Variants in PELI2 observed in about 807,000 individuals in gnomAD.
PELI2 encodes the protein pellino E3 ubiquitin protein ligase family member 2, also known as E3 ubiquitin-protein ligase pellino homolog 2.
PELI2 carries 23 observed loss-of-function variants against 42.3 expected under a neutral mutation model. The ratio of observed to expected loss-of-function variants is 0.54; its 90% CI spans 0.39 to 0.77. The LOEUF is 0.77. Among genes scored for constraint, PELI2 ranks in the 30% least tolerant of loss-of-function variants. The pLI, the probability that PELI2 is intolerant of heterozygous loss-of-function variation, is 0.00. For synonymous variants in PELI2, 245 were observed against 212.2 expected (o/e 1.15, Z -1.34); for missense variants, 463 against 553.2 (o/e 0.84, Z 1.64).
rs1339450536 is a variant in PELI2, at chr14:56,298,886, A to G, written c.*1720A>G. Reference sequence around the variant, plus strand: ...TTAAATGGTGTGAAAATCGATGACAACAGTCCTCTTACAGATAGCTTGCTG... The same window carrying G: ...TTAAATGGTGTGAAAATCGATGACAGCAGTCCTCTTACAGATAGCTTGCTG... On this transcript the variant is annotated 3_prime_UTR_variant, in exon 6 of 6. Coordinates refer to ENST00000267460, the MANE Select transcript of PELI2 (RefSeq NM_021255.3). The G allele has an allele frequency of 6.6e-6, 1 of 152,234 alleles. No homozygotes were observed. Among genetic ancestry groups the G allele is most frequent in the Non-Finnish European group, 1.5e-5 (1 of 68,038 alleles). The allele number at this position is 152,234 out of a possible 1,614,324, so 9.4% of individuals were successfully genotyped here.
At chr14:56,144,623 A>C (rs563005026) in intron 1 of PELI2, among the ~76,000 whole-genome samples, 1 of 152,362 alleles carries the variant, frequency 6.6e-6, no homozygotes, top group South Asian at 2.1e-4. Context: ...CATCACACCT[A>C]ATATATGCAT....
At chr14:56,255,977 C>G (rs907549331) in intron 2 of PELI2, among the ~76,000 whole-genome samples, 1 of 152,102 alleles carries the variant, frequency 6.6e-6, no homozygotes, top group Non-Finnish European at 1.5e-5. Context: ...ACAGGGTGCT[C>G]TTTGTTAGAA....
At position 56,296,812 on chromosome 14, in the gene PELI2, G is replaced by A. The variant is rs1890022816; in HGVS notation, c.909G>A (p.Glu303=). 1.2e-6 allele frequency: 2 copies of A among 1,614,044 alleles called. No homozygotes were observed. ...GCATCAACAGGAAAGAGGTGGTGGA[G>A]GAGAAGCAGCCCTGGGCATATCTCA... is the stretch of plus-strand genomic sequence containing the variant. ...FPSINRKEVV[E]EKQPWAYLSC... is the part of the protein sequence containing the mutation. Residue 303 remains glutamate, a synonymous_variant, in exon 6 of 6, where the codon GAG becomes GAA. Coordinates refer to ENST00000267460, the MANE Select transcript of PELI2 (RefSeq NM_021255.3).
At chr14:56,232,652 A>G (rs893949646) in intron 2 of PELI2, among the ~76,000 whole-genome samples, 1 of 151,784 alleles carries the variant, frequency 6.6e-6, no homozygotes, top group South Asian at 2.1e-4. Context: ...AGCCAGTATC[A>G]TACTGAATGG....
intron 2 of PELI2, among the ~76,000 whole-genome samples, chr14:56,237,897 A>G (rs1482308978): frequency 4.7e-5 from 7 of 150,204 alleles, no homozygotes; most frequent in Non-Finnish European, 1.0e-4. Flanking sequence ...TACTCCTCCT[A>G]CCCCCAACCC....
intron 2 of PELI2, among the ~76,000 whole-genome samples, chr14:56,182,434 T>C (rs2139674433): frequency 6.6e-6 from 1 of 152,328 alleles, no homozygotes; most frequent in African/African-American, 2.4e-5. Flanking sequence ...GGTGACGGTG[T>C]GGATACTGGT....
At chr14:56,213,693 A>G (rs751247287) in intron 2 of PELI2, among the ~76,000 whole-genome samples, 9 of 152,214 alleles carry the variant, frequency 5.9e-5, no homozygotes, top group Non-Finnish European at 1.2e-4. Flanking sequence ...CAGGCATTGA[A>G]GTAGCAAGAG....
At chr14:56,294,635 C>G (rs2139906729) in intron 5 of PELI2, among the ~76,000 whole-genome samples, 1 of 152,330 alleles carries the variant, frequency 6.6e-6, no homozygotes, top group East Asian at 1.9e-4. Context: ...CTCTGCCCTC[C>G]CTGGGACCCT....
chr14:56,146,688 G>T (rs573650134), intron 1 of PELI2, among the ~76,000 whole-genome samples: 1 of 152,276 alleles, frequency 6.6e-6, no homozygotes, highest in South Asian at 2.1e-4. Flanking sequence ...GAAGTTGAAA[G>T]TAACATTCTA....
At chr14:56,215,977 A>T (rs1217097620) in intron 2 of PELI2, among the ~76,000 whole-genome samples, 1 of 152,160 alleles carries the variant, frequency 6.6e-6, no homozygotes, top group East Asian at 1.9e-4. Flanking sequence ...ATATGATTTT[A>T]TTTTTATCTG....
intron 1 of PELI2, among the ~76,000 whole-genome samples, chr14:56,163,577 C>G (rs4901640): frequency 1.3e-5 from 2 of 151,556 alleles, no homozygotes; most frequent in Admixed American, 1.3e-4. Flanking sequence ...GCTCTGTATA[C>G]TTTTTAGGAT....
intron 3 of PELI2, among the ~76,000 whole-genome samples, chr14:56,283,016 C>T (rs1889530667): frequency 6.6e-6 from 1 of 152,080 alleles, no homozygotes; most frequent in Admixed American, 6.5e-5. Flanking sequence ...TGTGATGGTA[C>T]CTGTTATAGG....
At chr14:56,261,585 A>G (rs558913415) in intron 2 of PELI2, among the ~76,000 whole-genome samples, 1 of 152,300 alleles carries the variant, frequency 6.6e-6, no homozygotes, top group South Asian at 2.1e-4. Context: ...GAACAAAGAA[A>G]AGAGTATGCA....
At chr14:56,179,304 A>G (rs1885502255) in intron 2 of PELI2, among the ~76,000 whole-genome samples, 1 of 152,242 alleles carries the variant, frequency 6.6e-6, no homozygotes, top group South Asian at 2.1e-4. Flanking sequence ...CATATAAATG[A>G]GAGTCTTGAT....
intron 2 of PELI2, among the ~76,000 whole-genome samples, chr14:56,269,697 G>A (rs1431139732): frequency 6.6e-6 from 1 of 152,162 alleles, no homozygotes; most frequent in African/African-American, 2.4e-5. Flanking sequence ...CAGCCAGCCC[G>A]TGTTGGATTG....
Position 56,288,317 on chromosome 14 carries a change from TC to T in PELI2, c.310-119del. 1 of 734,296 alleles carries T rather than the reference TC, an allele frequency of 1.4e-6. No homozygotes were observed. Among genetic ancestry groups the T allele is most frequent in the East Asian group, 2.7e-5 (1 of 37,008 alleles). 45.5% of individuals were successfully genotyped at this position (734,296 alleles called of 1,614,324 possible). On this transcript the variant is annotated intron_variant, in intron 3 of 5. Coordinates refer to ENST00000267460, the MANE Select transcript of PELI2 (RefSeq NM_021255.3). This position sits in a 1 kb window ranked among gnomAD's most constrained non-coding sequence, Gnocchi z 4.6. ...CACGAATGAAAATCTTGCATTAAAT[TC>T]TAACCCTCAGAACAAGGATAGTGAA...
chr14:56,204,519 G>A (rs183724382), intron 2 of PELI2, among the ~76,000 whole-genome samples: 2 of 152,220 alleles, frequency 1.3e-5, no homozygotes, highest in Non-Finnish European at 2.9e-5. Flanking sequence ...AGATGACTGC[G>A]GTTTGCGGTA....
At chr14:56,136,202 C>G (rs1200616706) in intron 1 of PELI2, among the ~76,000 whole-genome samples, 1 of 152,158 alleles carries the variant, frequency 6.6e-6, no homozygotes, top group Admixed American at 6.5e-5. Context: ...CAGGGTTCCA[C>G]TGGTTCACTT....
chr14:56,149,151 A>G (rs944074974), intron 1 of PELI2, among the ~76,000 whole-genome samples: 13 of 152,224 alleles, frequency 8.5e-5, no homozygotes, highest in Non-Finnish European at 1.2e-4. Flanking sequence ...TTTAGTATGT[A>G]TGGATCCTTC....
Sources: gnomAD v4.1 joint callset for allele counts (sites outside exome capture counted in the v4.1 genomes callset) on GRCh38, gnomAD v4.1.1 for gene constraint, Gnocchi (gnomAD v3.1) non-coding constraint, MANE v1.5 for transcripts, NCBI Gene and HGNC (gene_info 2026-07-23, HGNC 2026-07-21) for gene names.